Variants in PIGK observed in about 807,000 individuals in gnomAD.
PIGK encodes phosphatidylinositol glycan anchor biosynthesis class K.
A neutral mutation model predicts 50.6 loss-of-function variants in PIGK; 42 were observed. The observed-to-expected ratio is 0.83, with a 90% confidence interval of 0.65 to 1.07. The LOEUF is 1.07. PIGK is among the 50% of genes least tolerant of loss of function. The pLI is 0.00. For synonymous variants in PIGK, 151 were observed against 156.0 expected (o/e 0.97, Z 0.24); for missense variants, 448 against 488.7 (o/e 0.92, Z 0.78).
chr1:77,101,778 G>A lies in PIGK; in HGVS notation c.1072-9288C>T, dbSNP rs111777164. ...CCCAGCACTTTGGGATGCCAAGGCG[G>A]GTGAATCACAAGGTCAAGAGATCAA... On this transcript the variant is annotated intron_variant, in intron 10 of 10. Transcript: ENST00000370812. Among the ~76,000 whole-genome samples, 711 of 152,176 alleles carry A rather than the reference G, an allele frequency of 4.7e-3. 4 individuals are homozygous for A. The highest frequency in any genetic ancestry group is 0.027 in the Middle Eastern group (8 of 294).
At chr1:77,124,433 AC>A (rs1214536070) in intron 9 of PIGK, among the ~76,000 whole-genome samples, 2 of 151,884 alleles carry the variant, frequency 1.3e-5, no homozygotes, top group African/African-American at 4.8e-5. Context: ...ACACAGTGAA[AC>A]CTCGTCTCTA....
Position 77,163,878 on chromosome 1 carries a change from C to A in PIGK, c.552G>T (p.Ala184=), listed in dbSNP as rs17099989. Residue 184 remains alanine (A), a synonymous_variant, in exon 6 of 11, where the codon GCG becomes GCT. Transcript: ENST00000370812. ...TCTGCCACATTTGTTCAAAAGCATC[C>A]GCGAGTTCTATGTTGGTAATTTCTT... The part of the protein sequence containing the change: ...DSEEITNIEL[A]DAFEQMWQKR... 1 of 1,608,704 alleles carries A rather than the reference C, an allele frequency of 6.2e-7. No individual in the cohort carries two copies. Among genetic ancestry groups the A allele is most frequent in the Non-Finnish European group, 8.5e-7 (1 of 1,176,928 alleles).
chr1:77,147,484 T>C (rs1211576439), intron 9 of PIGK, among the ~76,000 whole-genome samples: 2 of 152,206 alleles, frequency 1.3e-5, no homozygotes, highest in East Asian at 3.9e-4. Context: ...ATTCTGTTTT[T>C]CCTTAGGTAA....
At chr1:77,093,940 A>G (rs915416224) in intron 10 of PIGK, among the ~76,000 whole-genome samples, 5 of 152,146 alleles carry the variant, frequency 3.3e-5, no homozygotes, top group African/African-American at 1.2e-4. Context: ...ATCTTAATTC[A>G]ATTCCAGTAG....
Position 77,161,322 on chromosome 1 carries a change from T to A in PIGK, c.786A>T (p.Pro262=). The part of the protein sequence containing the change: ...YVLEFLEEIN[P]ASQTNMNDLF... The stretch of plus-strand genomic sequence containing the variant: ...GGTCATTCATATTAGTTTGGCTAGC[T>A]GGGTTAATTTCTTCCAAAAATTCCA... The change falls in exon 8 of 11, where the codon CCA becomes CCT. Residue 262 remains proline (P), a synonymous_variant. Coordinates refer to ENST00000370812, the MANE Select transcript of PIGK (RefSeq NM_005482.3). 1 of 1,580,902 alleles carries A rather than the reference T, an allele frequency of 6.3e-7. No individual in the cohort carries two copies. The highest frequency in any genetic ancestry group is 2.2e-5 in the East Asian group (1 of 44,650).
At chr1:77,108,886 C>T (rs1653765598) in intron 10 of PIGK, among the ~76,000 whole-genome samples, 1 of 152,158 alleles carries the variant, frequency 6.6e-6, no homozygotes, top group African/African-American at 2.4e-5. Flanking sequence ...ATTGAATTGG[C>T]TACTGAAGCG....
intron 9 of PIGK, among the ~76,000 whole-genome samples, chr1:77,153,258 A>T (rs1654931532): frequency 6.6e-6 from 1 of 152,222 alleles, no homozygotes; most frequent in Non-Finnish European, 1.5e-5. Flanking sequence ...TGCCAGGCAC[A>T]GAAAGACAAA....
chr1:77,159,561 C>T (rs987467351), intron 8 of PIGK, among the ~76,000 whole-genome samples: 2 of 152,150 alleles, frequency 1.3e-5, no homozygotes, highest in South Asian at 2.1e-4. Flanking sequence ...GGATGGGGGC[C>T]GTATCCTGCA....
chr1:77,132,074 TTC>T (rs929095951), intron 9 of PIGK, among the ~76,000 whole-genome samples: 1 of 152,042 alleles, frequency 6.6e-6, no homozygotes, highest in African/African-American at 2.4e-5. Context: ...CTTAATTTAT[TTC>T]TTTTACTTAC....
intron 10 of PIGK, among the ~76,000 whole-genome samples, chr1:77,103,870 GA>G (rs1201082133): frequency 6.6e-6 from 1 of 151,916 alleles, no homozygotes; most frequent in Non-Finnish European, 1.5e-5. Flanking sequence ...TGGTAGAAGG[GA>G]AAAAAATATC....
At chr1:77,199,230 G>A (rs1389188231) in intron 3 of PIGK, among the ~76,000 whole-genome samples, 3 of 151,982 alleles carry the variant, frequency 2.0e-5, no homozygotes, top group African/African-American at 4.8e-5. Flanking sequence ...ACTATTCTAA[G>A]TGTTTCTCTA....
chr1:77,153,718 T>G (rs2100550896), intron 9 of PIGK: 1 of 152,210 alleles, frequency 6.6e-6, no homozygotes, highest in Non-Finnish European at 1.5e-5. Flanking sequence ...ATTCATAAGC[T>G]CAATTACAAA....
At chr1:77,177,341 T>C (rs549663035) in intron 3 of PIGK, among the ~76,000 whole-genome samples, 42 of 152,170 alleles carry the variant, frequency 2.8e-4, no homozygotes, top group African/African-American at 9.4e-4. Flanking sequence ...CACTGGAAGG[T>C]TGTGGGTTTA....
At chr1:77,174,705 C>T (rs866336376) in intron 3 of PIGK, among the ~76,000 whole-genome samples, 3 of 152,034 alleles carry the variant, frequency 2.0e-5, no homozygotes, top group Non-Finnish European at 4.4e-5. Flanking sequence ...TGGCTGATTC[C>T]CCCTTTATGG....
rs184835500 is a variant in PIGK at position 77,103,914 on chromosome 1, G to A, written c.1072-11424C>T. Among the ~76,000 whole-genome samples the A allele has an allele frequency of 4.2e-3, 641 of 152,096 alleles. 5 individuals carry two copies. The highest frequency in any genetic ancestry group is 0.015 in the African/African-American group (619 of 41,476). ...CAAACAATTCCCAAAGCTCCTTCAG[G>A]GTTGGGAATTGTTCATGTACACACT... On this transcript the variant is annotated intron_variant, in intron 10 of 10. Transcript: ENST00000370812.
chr1:77,114,580 T>G (rs185359085), intron 10 of PIGK, among the ~76,000 whole-genome samples: 4 of 152,136 alleles, frequency 2.6e-5, no homozygotes, highest in Non-Finnish European at 5.9e-5. Flanking sequence ...GACAAATTTG[T>G]AGGTGGACCA....
chr1:77,160,532 T>C (rs989298742), intron 8 of PIGK, among the ~76,000 whole-genome samples: 2 of 152,210 alleles, frequency 1.3e-5, no homozygotes, highest in African/African-American at 4.8e-5. Context: ...TCTGCCTCTT[T>C]CATTAGGAAC....
At chr1:77,210,731 C>T (rs553040643) in intron 1 of PIGK, among the ~76,000 whole-genome samples, 6 of 152,104 alleles carry the variant, frequency 3.9e-5, no homozygotes, top group Admixed American at 3.9e-4. Context: ...TCATTCTTGG[C>T]TTAGACACCA....
intron 1 of PIGK, among the ~76,000 whole-genome samples, chr1:77,214,617 C>T (rs986973006): frequency 1.3e-5 from 2 of 152,104 alleles, no homozygotes; most frequent in African/African-American, 4.8e-5. Context: ...ACTCTCACCA[C>T]TCTTATCAAC....
Sources: gnomAD v4.1 joint callset for allele counts (sites outside exome capture counted in the v4.1 genomes callset) on GRCh38, gnomAD v4.1.1 for gene constraint, MANE v1.5 for transcripts, NCBI Gene and HGNC (gene_info 2026-07-23, HGNC 2026-07-21) for gene names.